The following NEXMIF variants were observed in gnomAD, a reference collection of about 807,000 sequenced individuals.
NEXMIF encodes the protein XLMR protein related to neurite extension.
NEXMIF carries 8 observed loss-of-function variants against 62.1 expected under a neutral mutation model. The ratio of observed to expected loss-of-function variants is 0.13; its 90% CI spans 0.08 to 0.23. The LOEUF (loss-of-function observed/expected upper bound fraction) is 0.23. Ranked by LOEUF, NEXMIF falls within the 10% of genes least tolerant of loss-of-function variation. The pLI, the probability that NEXMIF is intolerant of heterozygous loss-of-function variation, is 1.00. For missense variants in NEXMIF, 976 were observed against 1,113.3 expected, an observed-to-expected ratio of 0.88 and a Z score of 1.75; for synonymous variants, 404 against 416.6, an observed-to-expected ratio of 0.97 and a Z score of 0.37.
intron 1 of NEXMIF, among the ~76,000 whole-genome samples, chrX:74,845,266 C>T (rs1055536731): frequency 2.7e-5 from 3 of 111,478 alleles, no homozygotes; most frequent in African/African-American, 6.5e-5. Context: ...CCCCACACAC[C>T]TTGCACTGCC....
At position 74,738,445 on chromosome X, in the gene NEXMIF, CTATT is replaced by C. The variant is rs1316103650; in HGVS notation, c.*956_*959del. Reference sequence around the variant, plus strand: ...AAACTGGAATAAAACATTTAGGAAACTATTTAAATAAAAGCATTCTATATACTTC... The same window carrying C: ...AAACTGGAATAAAACATTTAGGAAACTAAATAAAAGCATTCTATATACTTC... On this transcript the variant is annotated 3_prime_UTR_variant, in exon 4 of 4. Coordinates refer to ENST00000055682, the MANE Select transcript of NEXMIF (RefSeq NM_001008537.3). 3.6e-5 allele frequency: 4 copies of C among 111,761 alleles called. No homozygotes were observed. The highest frequency in any genetic ancestry group is 7.5e-5 in the Non-Finnish European group (4 of 53,057). 9.2% of individuals were successfully genotyped at this position (111,761 alleles called of 1,213,427 possible). A position where few individuals can be genotyped will look rare whatever the true frequency, so the allele number is the denominator to read the frequency against.
At chrX:74,833,832 T>TAAAC (rs752486287) in intron 1 of NEXMIF, among the ~76,000 whole-genome samples, 10 of 111,285 alleles carry the variant, frequency 9.0e-5, no homozygotes, top group Non-Finnish European at 7.5e-5. Flanking sequence ...ACTGATTACG[T>TAAAC]AAACAAACAA....
chrX:74,857,085 C>A (rs2080537856), intron 1 of NEXMIF, among the ~76,000 whole-genome samples: 1 of 111,997 alleles, frequency 8.9e-6, no homozygotes, highest in South Asian at 3.7e-4. Context: ...GAAAGGCGGT[C>A]TAGGACACAA....
intron 1 of NEXMIF, among the ~76,000 whole-genome samples, chrX:74,795,099 A>T (rs888731194): frequency 3.6e-5 from 4 of 112,051 alleles, no homozygotes; most frequent in African/African-American, 1.3e-4. Flanking sequence ...TGCACCATAC[A>T]TACATACTCA....
chrX:74,748,108 A>T (rs1462707663), intron 1 of NEXMIF, among the ~76,000 whole-genome samples: 2 of 112,411 alleles, frequency 1.8e-5, no homozygotes, highest in Non-Finnish European at 3.8e-5. Flanking sequence ...GAGGAGATAC[A>T]CTTTGGCAAA....
intron 1 of NEXMIF, among the ~76,000 whole-genome samples, chrX:74,913,395 C>T (rs2080797189): frequency 9.0e-6 from 1 of 110,898 alleles, no homozygotes; most frequent in South Asian, 3.7e-4. Context: ...ATGAACAGGC[C>T]TCGGGGACCT....
chrX:74,865,917 C>T (rs776643876), intron 1 of NEXMIF, among the ~76,000 whole-genome samples: 8 of 111,272 alleles, frequency 7.2e-5, no homozygotes, highest in African/African-American at 9.8e-5. Context: ...AGTTTGCTGC[C>T]GGGGTGGGGC....
intron 1 of NEXMIF, among the ~76,000 whole-genome samples, chrX:74,762,815 G>GT (rs1338111815): frequency 1.8e-4 from 20 of 109,093 alleles, no homozygotes; most frequent in African/African-American, 4.7e-4. Flanking sequence ...GGGGTTGTTT[G>GT]TTTTTTTTTC....
In NEXMIF at chrX:74,793,763, C is replaced by T. The variant is rs1396156809; in HGVS notation, c.-47-48066G>A. On this transcript the variant is annotated intron_variant, in intron 1 of 3. Transcript: ENST00000055682. ...GCTGATACCCTTTCTTCCAGTTGAT[C>T]GCATCGGCTCCTGAGGCTTCTGCAT... 1.7e-4 allele frequency among the ~76,000 whole-genome samples: 15 copies of T among 88,808 alleles called. No homozygotes were observed. The South Asian group carries it at 2.0e-3, about 12-fold the overall frequency. 77.1% of individuals were successfully genotyped at this position (88,808 alleles called of 115,157 possible). A position where few individuals can be genotyped will look rare whatever the true frequency, so the allele number is the denominator to read the frequency against.
chrX:74,799,051 G>A lies in NEXMIF; in HGVS notation c.-47-53354C>T, dbSNP rs549334190. ...CTGCTTTATTTTTTATTTTTGTAGG[G>A]AGGGGGTCTTGCCATGTTGCCTAGG... On this transcript the variant is annotated intron_variant, in intron 1 of 3. Coordinates refer to ENST00000055682, the MANE Select transcript of NEXMIF (RefSeq NM_001008537.3). 7.2e-5 allele frequency among the ~76,000 whole-genome samples: 8 copies of A among 110,762 alleles called. No homozygotes were observed. The South Asian group carries it at 3.1e-3, about 43-fold the overall frequency.
chrX:74,885,475 A>G (rs1222076638), intron 1 of NEXMIF, among the ~76,000 whole-genome samples: 3 of 111,903 alleles, frequency 2.7e-5, no homozygotes, highest in African/African-American at 9.8e-5. Context: ...ATCACCACTG[A>G]TCCCACAGAA....
chrX:74,846,423 C>A (rs957357987), intron 1 of NEXMIF, among the ~76,000 whole-genome samples: 2 of 111,834 alleles, frequency 1.8e-5, no homozygotes, highest in African/African-American at 6.5e-5. Context: ...CTATGGATAT[C>A]CTGTCTATGG....
chrX:74,910,100 C>A (rs2080783614), intron 1 of NEXMIF, among the ~76,000 whole-genome samples: 1 of 112,230 alleles, frequency 8.9e-6, no homozygotes, highest in Non-Finnish European at 1.9e-5. Flanking sequence ...TGGGGCACTG[C>A]CTAGTGGAGC....
Position 74,801,936 on chromosome X carries a change from G to A in NEXMIF, c.-47-56239C>T, listed in dbSNP as rs192871286. On this transcript the variant is annotated intron_variant, in intron 1 of 3. Transcript: ENST00000055682. ...TGCTAGTCTGGCAGTACTCCCTGTGGGCCTGTGGTTGTGGTGGCCATGGGG... is the reference window on the plus strand; with the variant it reads ...TGCTAGTCTGGCAGTACTCCCTGTGAGCCTGTGGTTGTGGTGGCCATGGGG... 6.2e-5 allele frequency among the ~76,000 whole-genome samples: 7 copies of A among 112,374 alleles called. No homozygotes were observed. The East Asian group carries it at 2.0e-3, about 32-fold the overall frequency.
chrX:74,876,051 TG>T (rs1748820903), intron 1 of NEXMIF, among the ~76,000 whole-genome samples: 1 of 111,557 alleles, frequency 9.0e-6, no homozygotes, highest in Non-Finnish European at 1.9e-5. Context: ...TGAATGTGTT[TG>T]CTCTTGCTTT....
chrX:74,751,817 C>T (rs920737337), intron 1 of NEXMIF, among the ~76,000 whole-genome samples: 2 of 97,787 alleles, frequency 2.0e-5, no homozygotes, highest in Non-Finnish European at 4.1e-5. Flanking sequence ...TCCCTCCTCC[C>T]TTCCTTCCCT....
chrX:74,751,903 G>A (rs1241470347), intron 1 of NEXMIF, among the ~76,000 whole-genome samples: 4 of 103,260 alleles, frequency 3.9e-5, no homozygotes, highest in African/African-American at 1.1e-4. Context: ...GTGCAACAGC[G>A]CGATCTTGCT....
At chrX:74,883,008 C>T (rs1030423364) in intron 1 of NEXMIF, among the ~76,000 whole-genome samples, 1 of 111,653 alleles carries the variant, frequency 9.0e-6, no homozygotes, top group Admixed American at 9.5e-5. Context: ...TGTTCTGCAG[C>T]CACCACTGCT....
chrX:74,812,240 T>C (rs1409501549), intron 1 of NEXMIF, among the ~76,000 whole-genome samples: 2 of 112,213 alleles, frequency 1.8e-5, no homozygotes, highest in African/African-American at 6.5e-5. Context: ...ACTCATTTGG[T>C]ACACACAATT....
Sources: allele counts gnomAD v4.1 joint callset (sites outside exome capture counted in the v4.1 genomes callset), GRCh38; gene constraint gnomAD v4.1.1; transcripts MANE v1.5; gene names NCBI Gene and HGNC (gene_info 2026-07-23, HGNC 2026-07-21).